SIMC1: variants seen among roughly 807,000 people sequenced by gnomAD.
The protein encoded by SIMC1 is SUMO-interacting motif-containing protein 1.
Under a neutral mutation model 82.3 loss-of-function variants are expected in SIMC1, and 55 were observed. That is an observed-to-expected ratio of 0.67 (90% CI 0.54 to 0.84). SIMC1 has a LOEUF of 0.84. SIMC1 is among the 40% of genes least tolerant of loss of function. The pLI is 0.00. For missense variants in SIMC1, 915 were observed against 1,107.2 expected, an observed-to-expected ratio of 0.83 and a Z score of 2.46; for synonymous variants, 353 against 426.3, an observed-to-expected ratio of 0.83 and a Z score of 2.12.
At chr5:176,240,311 C>T (rs1343521063) in intron 1 of SIMC1, among the ~76,000 whole-genome samples, 1 of 108,344 alleles carries the variant, frequency 9.2e-6, no homozygotes, top group East Asian at 2.7e-4. Context: ...CTTTGTCCTT[C>T]CCACTTGCTT....
chr5:176,335,747 TA>T (rs1162958538), intron 7 of SIMC1, among the ~76,000 whole-genome samples: 1 of 151,812 alleles, frequency 6.6e-6, no homozygotes, highest in African/African-American at 2.4e-5. Context: ...TAGTTTCAAA[TA>T]AAAAAATACT....
intron 7 of SIMC1, among the ~76,000 whole-genome samples, chr5:176,327,521 A>G (rs1765447401): frequency 6.6e-6 from 1 of 152,182 alleles, no homozygotes; most frequent in Admixed American, 6.5e-5. Context: ...TACATACACA[A>G]TCACGTTGTC....
intron 1 of SIMC1, among the ~76,000 whole-genome samples, chr5:176,280,927 A>G (rs1280296441): frequency 2.0e-5 from 3 of 152,106 alleles, no homozygotes; most frequent in Admixed American, 6.5e-5. Context: ...GCTCTTCTCA[A>G]GGAGTATCTT....
At chr5:176,276,875 C>T (rs985441292) in intron 1 of SIMC1, among the ~76,000 whole-genome samples, 8 of 148,966 alleles carry the variant, frequency 5.4e-5, no homozygotes, top group African/African-American at 2.0e-4. Context: ...GGTTCCAAGT[C>T]TTTGCTATTG....
At chr5:176,243,696 A>T (rs4257790) in intron 1 of SIMC1, among the ~76,000 whole-genome samples, 111,379 of 151,674 alleles carry the variant, frequency 0.73, 41,035 homozygotes, top group Middle Eastern at 0.84. Context: ...AATTTTTTGT[A>T]TTTTAGTAGA....
intron 4 of SIMC1, among the ~76,000 whole-genome samples, chr5:176,303,018 A>G (rs1764108082): frequency 6.6e-6 from 1 of 152,168 alleles, no homozygotes; most frequent in Non-Finnish European, 1.5e-5. Flanking sequence ...TCAAAATCCC[A>G]ACAGCATTTC....
At chr5:176,276,322 C>T (rs1762693169) in intron 1 of SIMC1, among the ~76,000 whole-genome samples, 1 of 151,264 alleles carries the variant, frequency 6.6e-6, no homozygotes, top group Non-Finnish European at 1.5e-5. Context: ...GGTGATCTCC[C>T]CTTTATCATT....
At chr5:176,262,319 A>G (rs1762042996) in intron 1 of SIMC1, among the ~76,000 whole-genome samples, 1 of 151,944 alleles carries the variant, frequency 6.6e-6, no homozygotes, top group Admixed American at 6.6e-5. Flanking sequence ...CAAACTAGGA[A>G]TAGAGGGGAA....
chr5:176,252,242 G>A (rs865953434), intron 1 of SIMC1, among the ~76,000 whole-genome samples: 45 of 151,750 alleles, frequency 3.0e-4, no homozygotes, highest in African/African-American at 9.4e-4. Flanking sequence ...CTCCCGGACG[G>A]GGCGGCTGGC....
At chr5:176,297,502 CAAAAAAAAAAAAA>C (rs896827211) in intron 4 of SIMC1, among the ~76,000 whole-genome samples, 1 of 35,932 alleles carries the variant, frequency 2.8e-5, no homozygotes, top group Non-Finnish European at 5.6e-5. Context: ...AACTCTGTCT[CAAAAAAAAAAAAA>C]AAAAAAAAAA....
At chr5:176,291,461 C>G (rs1186592537) in intron 2 of SIMC1, among the ~76,000 whole-genome samples, 48 of 151,668 alleles carry the variant, frequency 3.2e-4, no homozygotes, top group Admixed American at 3.2e-3. Flanking sequence ...CTCAGCCTCC[C>G]GAGTAGCTGG....
rs1325390332 is a variant in SIMC1, at chr5:176,288,426, T to TG, written c.130-1228_130-1227insG. Among the ~76,000 whole-genome samples the TG allele has an allele frequency of 3.1e-3, 341 of 108,600 alleles. 3 individuals carry two copies. Among genetic ancestry groups the TG allele is most frequent in the African/African-American group, 0.01 (327 of 32,446 alleles). 71.2% of individuals were successfully genotyped at this position (108,600 alleles called of 152,430 possible). ...TCCATCTCAAGAATGAATGAATGAA[T>TG]AAATAAATAAATAAATAAATAAATA... On this transcript the variant is annotated intron_variant, in intron 1 of 9. Coordinates refer to ENST00000429602, the MANE Select transcript of SIMC1 (RefSeq NM_001308195.2).
At chr5:176,262,433 G>A (rs1166238701) in intron 1 of SIMC1, among the ~76,000 whole-genome samples, 1 of 152,040 alleles carries the variant, frequency 6.6e-6, no homozygotes, top group African/African-American at 2.4e-5. Context: ...GATAAGGCAA[G>A]GATGTCTCCT....
intron 5 of SIMC1, among the ~76,000 whole-genome samples, chr5:176,318,929 A>C (rs1336668945): frequency 6.6e-6 from 1 of 152,120 alleles, no homozygotes; most frequent in Non-Finnish European, 1.5e-5. Flanking sequence ...GCAACATGGC[A>C]AAACCCCATC....
intron 1 of SIMC1, among the ~76,000 whole-genome samples, chr5:176,242,844 C>A (rs1218379889): frequency 6.6e-6 from 1 of 151,874 alleles, no homozygotes; most frequent in African/African-American, 2.4e-5. Context: ...AAGTCCCTGC[C>A]GTCATGGAGA....
intron 1 of SIMC1, among the ~76,000 whole-genome samples, chr5:176,259,078 G>GGAA (rs1174284119): frequency 6.6e-6 from 1 of 151,902 alleles, no homozygotes; most frequent in Non-Finnish European, 1.5e-5. Flanking sequence ...CACTCCAGAA[G>GGAA]GAAACCCTGT....
At chr5:176,248,754 GCT>G (rs1234612382) in intron 1 of SIMC1, among the ~76,000 whole-genome samples, 1 of 152,058 alleles carries the variant, frequency 6.6e-6, no homozygotes, top group Admixed American at 6.6e-5. Flanking sequence ...GTCATAAATA[GCT>G]CTTATTATTT....
rs765272009 is a variant in SIMC1 at position 176,295,127 on chromosome 5, T to C, written c.1529T>C (p.Leu510Ser). 8 of 1,613,594 alleles carry C rather than the reference T, an allele frequency of 5.0e-6. No individual in the cohort carries two copies. Among genetic ancestry groups the C allele is most frequent in the African/African-American group, 1.3e-5 (1 of 74,886 alleles). Residue 510 changes from leucine to serine, a missense_variant, in exon 3 of 10, where the codon TTG becomes TCG. Coordinates refer to ENST00000429602, the MANE Select transcript of SIMC1 (RefSeq NM_001308195.2). ...ENFPLGTVQFLMDFVSPQHYP... is the reference protein window; with the variant it reads ...ENFPLGTVQFSMDFVSPQHYP... ...TTTCCTCTGGGGACTGTGCAGTTTT[T>C]GATGGACTTTGTGTCACCCCAGCAT...
chr5:176,288,040 A>G (rs1013687380), intron 1 of SIMC1, among the ~76,000 whole-genome samples: 2 of 152,174 alleles, frequency 1.3e-5, no homozygotes, highest in African/African-American at 4.8e-5. Flanking sequence ...CAAAGGGATG[A>G]TAGTCATTCC....
Sources: gnomAD v4.1 joint callset for allele counts (sites outside exome capture counted in the v4.1 genomes callset) on GRCh38, gnomAD v4.1.1 for gene constraint, MANE v1.5 for transcripts, NCBI Gene and HGNC (gene_info 2026-07-23, HGNC 2026-07-21) for gene names.